The following CDH13 variants were observed in gnomAD, a reference collection of about 807,000 sequenced individuals.
The protein encoded by CDH13 is cadherin-13.
CDH13 carries 24 observed loss-of-function variants against 63.8 expected under a neutral mutation model. The ratio of observed to expected loss-of-function variants is 0.38; its 90% confidence interval spans 0.27 to 0.53. CDH13 has a LOEUF of 0.53. Among genes scored for constraint, CDH13 ranks in the 20% least tolerant of loss-of-function variants. The pLI is 0.85. For missense variants in CDH13, 1,049 were observed against 903.1 expected, an observed-to-expected ratio of 1.16 and a Z score of -2.07; for synonymous variants, 503 against 355.3, an observed-to-expected ratio of 1.42 and a Z score of -4.67.
At chr16:83,378,716 G>A (rs1340841098) in intron 6 of CDH13, among the ~76,000 whole-genome samples, 2 of 152,044 alleles carry the variant, frequency 1.3e-5, no homozygotes, top group Non-Finnish European at 2.9e-5. Flanking sequence ...TCTTTAAATT[G>A]GGATGACTGT....
chr16:83,675,080 A>T (rs1641219409), intron 9 of CDH13, among the ~76,000 whole-genome samples: 1 of 152,178 alleles, frequency 6.6e-6, no homozygotes, highest in African/African-American at 2.4e-5. Flanking sequence ...CACTTGAAAA[A>T]ATATTAATTG....
intron 2 of CDH13, among the ~76,000 whole-genome samples, chr16:82,872,764 T>C (rs2040387465): frequency 6.6e-6 from 1 of 152,104 alleles, no homozygotes; most frequent in Non-Finnish European, 1.5e-5. Context: ...GAGATAGAAA[T>C]AGGGAATGGA....
At chr16:82,917,378 A>G (rs2042023033) in intron 2 of CDH13, among the ~76,000 whole-genome samples, 1 of 152,268 alleles carries the variant, frequency 6.6e-6, no homozygotes, top group South Asian at 2.1e-4. Flanking sequence ...ATATGTTAAA[A>G]CTTTAGATAA....
At position 83,063,394 on chromosome 16, in the gene CDH13, C is replaced by A. The variant is rs115583290; in HGVS notation, c.366+31176C>A. Among the ~76,000 whole-genome samples the A allele has an allele frequency of 4.5e-3, 691 of 152,272 alleles. 2 individuals are homozygous for A. Among genetic ancestry groups the A allele is most frequent in the African/African-American group, 0.016 (667 of 41,538 alleles). ...GTTCGTCAAAGCAGCCCAAGATTAT[C>A]TCAAAATCAAGAGGAAGGGAAATAG... On this transcript the variant is annotated intron_variant, in intron 3 of 13. Transcript: ENST00000567109.
intron 7 of CDH13, among the ~76,000 whole-genome samples, chr16:83,525,743 T>C (rs1276841435): frequency 6.6e-6 from 1 of 152,208 alleles, no homozygotes; most frequent in East Asian, 1.9e-4. Flanking sequence ...TGAGTTATCT[T>C]GGTGGATCCA....
chr16:83,020,440 C>A (rs982610729), intron 2 of CDH13, among the ~76,000 whole-genome samples: 4 of 152,160 alleles, frequency 2.6e-5, no homozygotes, highest in Admixed American at 6.5e-5. Flanking sequence ...AAGCCATGTA[C>A]CCCTCAAGGT....
chr16:83,000,223 A>ATT lies in CDH13; in HGVS notation c.158-31747_158-31746dup, dbSNP rs746904500. Among the ~76,000 whole-genome samples, 47 of 37,016 alleles carry ATT rather than the reference A, an allele frequency of 1.3e-3. 10 individuals carry two copies. Among genetic ancestry groups the ATT allele is most frequent in the Non-Finnish European group, 2.5e-3 (42 of 16,798 alleles). 24.3% of individuals were successfully genotyped at this position (37,016 alleles called of 152,430 possible). A position where few individuals can be genotyped will look rare whatever the true frequency, so the allele number is the denominator to read the frequency against. On this transcript the variant is annotated intron_variant, in intron 2 of 13. Coordinates refer to ENST00000567109, the MANE Select transcript of CDH13 (RefSeq NM_001257.5). ...CTAGGAATATCCACAGGTTTAGCTTATTTTTTTTTTTTTTTTTTTTTTTTT... is the reference window on the plus strand; with the variant it reads ...CTAGGAATATCCACAGGTTTAGCTTATTTTTTTTTTTTTTTTTTTTTTTTTTT...
chr16:83,097,687 G>C (rs1412041590), intron 3 of CDH13, among the ~76,000 whole-genome samples: 2 of 152,206 alleles, frequency 1.3e-5, no homozygotes, highest in East Asian at 3.9e-4. Context: ...CTCTAGGTAA[G>C]ACAGATGCTA....
chr16:83,703,651 G>A (rs7198067), intron 10 of CDH13, among the ~76,000 whole-genome samples: 1 of 152,250 alleles, frequency 6.6e-6, no homozygotes, highest in Non-Finnish European at 1.5e-5. Flanking sequence ...TCTTCACACT[G>A]TCTTGTATTA....
At chr16:83,753,463 TG>T (rs1226416615) in intron 11 of CDH13, among the ~76,000 whole-genome samples, 3 of 152,116 alleles carry the variant, frequency 2.0e-5, no homozygotes, top group Admixed American at 2.0e-4. Flanking sequence ...GAGGATCACC[TG>T]AACCCAGGTA....
intron 7 of CDH13, among the ~76,000 whole-genome samples, chr16:83,497,067 T>G (rs927092825): frequency 2.6e-5 from 4 of 152,184 alleles, no homozygotes; most frequent in Non-Finnish European, 5.9e-5. Context: ...TTGGTGGGAC[T>G]GTAAAGTAGT....
rs767405219 is a variant in CDH13, at chr16:83,748,151, C to T, written c.1582C>T (p.Pro528Ser). ...KDPAGWLNIN[P>S]INGTVDTTAV... ...CCCAGCAGGTTGGCTGAATATTAAC[C>T]CCATCAATGGGACTGTTGACACCAC... Residue 528 changes from proline (P) to serine (S), a missense_variant, in exon 11 of 14, where the codon CCC becomes TCC. Coordinates refer to ENST00000567109, the MANE Select transcript of CDH13 (RefSeq NM_001257.5). The T allele has an allele frequency of 1.9e-6, 3 of 1,613,826 alleles. No individual in the cohort carries two copies. Among genetic ancestry groups the T allele is most frequent in the East Asian group, 2.2e-5 (1 of 44,868 alleles).
intron 3 of CDH13, among the ~76,000 whole-genome samples, chr16:83,088,581 G>A (rs2033730827): frequency 6.6e-6 from 1 of 152,122 alleles, no homozygotes; most frequent in South Asian, 2.1e-4. Context: ...CTGGGCCCCT[G>A]TCCTATAAAG....
chr16:83,156,586 C>T (rs973070048), intron 4 of CDH13, among the ~76,000 whole-genome samples: 2 of 152,114 alleles, frequency 1.3e-5, no homozygotes, highest in African/African-American at 4.8e-5. Context: ...TTTATGTTTT[C>T]AAAGCCTCCA....
At chr16:83,569,875 T>C (rs1904411496) in intron 7 of CDH13, among the ~76,000 whole-genome samples, 1 of 152,190 alleles carries the variant, frequency 6.6e-6, no homozygotes, top group Non-Finnish European at 1.5e-5. Context: ...TAGCTGGGAC[T>C]ACAGGTGCAC....
At chr16:83,378,595 T>C (rs1482470885) in intron 6 of CDH13, among the ~76,000 whole-genome samples, 1 of 152,184 alleles carries the variant, frequency 6.6e-6, no homozygotes, top group African/African-American at 2.4e-5. Context: ...AGTGGAGTGA[T>C]TAAGACTCTG....
chr16:83,232,301 G>T (rs770088072), intron 5 of CDH13, among the ~76,000 whole-genome samples: 3 of 145,554 alleles, frequency 2.1e-5, no homozygotes, highest in Non-Finnish European at 3.0e-5. Flanking sequence ...GAGGCGAGCA[G>T]ATCACTTGAG....
chr16:83,724,223 G>A (rs2150941265), intron 10 of CDH13, among the ~76,000 whole-genome samples: 1 of 122,038 alleles, frequency 8.2e-6, no homozygotes, highest in Non-Finnish European at 2.0e-5. Flanking sequence ...GGTGATGAAT[G>A]CATGGATGAA....
At chr16:83,057,157 G>T (rs1364490569) in intron 3 of CDH13, among the ~76,000 whole-genome samples, 2 of 151,984 alleles carry the variant, frequency 1.3e-5, no homozygotes, top group Non-Finnish European at 2.9e-5. Context: ...AGGAGAAATG[G>T]GGTTTCACCA....
Sources: allele counts gnomAD v4.1 joint callset (sites outside exome capture counted in the v4.1 genomes callset), GRCh38; gene constraint gnomAD v4.1.1; transcripts MANE v1.5; gene names NCBI Gene and HGNC (gene_info 2026-07-23, HGNC 2026-07-21).